RAP1GDS1: variants seen among roughly 807,000 people sequenced by gnomAD.
The protein encoded by RAP1GDS1 is Rap1 GTPase-GDP dissociation stimulator 1.
In RAP1GDS1, 35 loss-of-function variants were observed where a neutral mutation model predicts 71.1. The ratio of observed to expected loss-of-function variants is 0.49; its 90% CI spans 0.38 to 0.65. The LOEUF is 0.65. Among genes scored for constraint, RAP1GDS1 ranks in the 30% least tolerant of loss-of-function variants. The probability of loss-of-function intolerance (pLI) is 0.00; values close to 1 mark genes in which losing one functional copy is unlikely to be tolerated. For synonymous variants in RAP1GDS1, 229 were observed against 243.1 expected (o/e 0.94, Z 0.54); for missense variants, 663 against 706.1 (o/e 0.94, Z 0.69).
chr4:98,287,209 T>TC (rs1399429193), intron 1 of RAP1GDS1, among the ~76,000 whole-genome samples: 11 of 152,090 alleles, frequency 7.2e-5, no homozygotes, highest in African/African-American at 2.7e-4. Context: ...CAAGTAGGGT[T>TC]CTATGTACCT....
Position 98,434,059 on chromosome 4 carries a change from T to C in RAP1GDS1, c.1564T>C (p.Leu522=), listed in dbSNP as rs761089732. The C allele has an allele frequency of 6.2e-7, 1 of 1,613,626 alleles. No homozygotes were observed. The highest frequency in any genetic ancestry group is 2.2e-5 in the East Asian group (1 of 44,842). Reference sequence around the variant, plus strand: ...TTTGGCATTAATAGCAGCTTTAGAATTGGGTAAGTACCCCAGTGACAAACT... The same window carrying C: ...TTTGGCATTAATAGCAGCTTTAGAACTGGGTAAGTACCCCAGTGACAAACT... ...VALALIAALE[L]GTAEKDLESA... Residue 522 remains leucine (L), a synonymous_variant, in exon 13 of 15, where the codon TTG becomes CTG. Coordinates refer to ENST00000408927, the MANE Select transcript of RAP1GDS1 (RefSeq NM_001100427.2).
At chr4:98,284,499 C>A (rs1725686273) in intron 1 of RAP1GDS1, among the ~76,000 whole-genome samples, 1 of 152,136 alleles carries the variant, frequency 6.6e-6, no homozygotes, top group Non-Finnish European at 1.5e-5. Flanking sequence ...TTTAACCAAA[C>A]CATGTGGTGA....
intron 2 of RAP1GDS1, among the ~76,000 whole-genome samples, chr4:98,303,874 C>A (rs1728934158): frequency 6.6e-6 from 1 of 151,888 alleles, no homozygotes; most frequent in Non-Finnish European, 1.5e-5. Context: ...CCTCTACAGA[C>A]CCCATTGTGT....
chr4:98,419,173 A>G (rs1281676547), intron 10 of RAP1GDS1, among the ~76,000 whole-genome samples: 1 of 151,928 alleles, frequency 6.6e-6, no homozygotes, highest in Non-Finnish European at 1.5e-5. Flanking sequence ...CTCCCACCTC[A>G]GCCTCCTGAG....
chr4:98,418,800 TAAGAA>T lies in RAP1GDS1; in HGVS notation c.1174+10_1174+14del. The T allele has an allele frequency of 6.3e-7, 1 of 1,583,452 alleles. No homozygotes were observed. Among genetic ancestry groups the T allele is most frequent in the East Asian group, 2.3e-5 (1 of 43,954 alleles). On this transcript the variant is annotated intron_variant, in intron 10 of 14. Coordinates refer to ENST00000408927, the MANE Select transcript of RAP1GDS1 (RefSeq NM_001100427.2). ...AAACCTGGCCATTCCAGGTAAGACT[TAAGAA>T]TAGAAGGCAGCTGTGTACAAAATAA...
chr4:98,318,254 T>TA (rs981462827), intron 2 of RAP1GDS1, among the ~76,000 whole-genome samples: 1 of 152,160 alleles, frequency 6.6e-6, no homozygotes, highest in African/African-American at 2.4e-5. Context: ...TACAAAAGGA[T>TA]AGAGTACAGA....
chr4:98,380,269 A>G (rs535399071), intron 5 of RAP1GDS1, among the ~76,000 whole-genome samples: 1 of 151,788 alleles, frequency 6.6e-6, no homozygotes, highest in East Asian at 1.9e-4. Flanking sequence ...ATACTGCCCA[A>G]TCTTTATATT....
rs942333229 is a variant in RAP1GDS1, at chr4:98,441,548, A to ATAAC, written c.1697-440_1697-437dup. The ATAAC allele has an allele frequency of 3.0e-6, 3 of 983,994 alleles. No homozygotes were observed. In the African/African-American group the frequency reaches 5.2e-5, roughly 17 times the overall value. 61.0% of individuals were successfully genotyped at this position (983,994 alleles called of 1,614,324 possible). ...ATCATACAGTGAGCTGTGTTTAATT[A>ATAAC]TAACTCATTATTGTAATTAATCTTA... On this transcript the variant is annotated intron_variant, in intron 14 of 14. Coordinates refer to ENST00000408927, the MANE Select transcript of RAP1GDS1 (RefSeq NM_001100427.2).
At chr4:98,267,664 A>G (rs1302098720) in intron 1 of RAP1GDS1, among the ~76,000 whole-genome samples, 1 of 152,216 alleles carries the variant, frequency 6.6e-6, no homozygotes, top group Non-Finnish European at 1.5e-5. Context: ...ATGTTGCTGC[A>G]AAGGACATGA....
chr4:98,304,820 T>C (rs138240344), intron 2 of RAP1GDS1, among the ~76,000 whole-genome samples: 6 of 152,234 alleles, frequency 3.9e-5, no homozygotes, highest in African/African-American at 1.4e-4. Context: ...GGTTTCATAG[T>C]TTGGGGTTTT....
chr4:98,352,847 G>C (rs1737411534), intron 4 of RAP1GDS1, among the ~76,000 whole-genome samples: 1 of 152,142 alleles, frequency 6.6e-6, no homozygotes, highest in Non-Finnish European at 1.5e-5. Context: ...AATTAAGTCA[G>C]TTTCTAAGAA....
chr4:98,384,438 A>G (rs3822115), intron 5 of RAP1GDS1, among the ~76,000 whole-genome samples: 26,750 of 151,638 alleles, frequency 0.18, 3,895 homozygotes, highest in African/African-American at 0.4. Flanking sequence ...GTTTGCTGAA[A>G]AAGGTTGCTT....
intron 4 of RAP1GDS1, among the ~76,000 whole-genome samples, chr4:98,363,300 C>A (rs1739013733): frequency 6.6e-6 from 1 of 151,206 alleles, no homozygotes; most frequent in South Asian, 2.1e-4. Flanking sequence ...CCAGCCTGGG[C>A]AACACAGCAA....
At chr4:98,408,423 G>T (rs563185528) in intron 7 of RAP1GDS1, among the ~76,000 whole-genome samples, 1 of 152,104 alleles carries the variant, frequency 6.6e-6, no homozygotes, top group Admixed American at 6.5e-5. Context: ...ATGAGCCACC[G>T]TGCCTGGCCT....
chr4:98,394,337 G>A (rs1038167550), intron 6 of RAP1GDS1, among the ~76,000 whole-genome samples: 17 of 152,110 alleles, frequency 1.1e-4, no homozygotes. Flanking sequence ...TCAAGGAAAA[G>A]TATTAGTCAT....
At position 98,442,228 on chromosome 4, in the gene RAP1GDS1, T is replaced by TC; in HGVS notation, c.*112dup. ...TACCACTTGTGCATGCATGTGATGT[T>TC]CTAATACCAATTGAAGAACCGCTGT... is the stretch of plus-strand genomic sequence containing the variant. On this transcript the variant is annotated 3_prime_UTR_variant, in exon 15 of 15. Coordinates refer to ENST00000408927, the MANE Select transcript of RAP1GDS1 (RefSeq NM_001100427.2). 1.4e-6 allele frequency: 2 copies of TC among 1,431,226 alleles called. No individual in the cohort carries two copies. The highest frequency in any genetic ancestry group is 1.9e-6 in the Non-Finnish European group (2 of 1,072,660). 88.7% of individuals were successfully genotyped at this position (1,431,226 alleles called of 1,614,324 possible). A position where few individuals can be genotyped will look rare whatever the true frequency, so the allele number is the denominator to read the frequency against.
At chr4:98,279,128 G>A (rs1327038166) in intron 1 of RAP1GDS1, among the ~76,000 whole-genome samples, 1 of 152,062 alleles carries the variant, frequency 6.6e-6, no homozygotes, top group Non-Finnish European at 1.5e-5. Context: ...GGAGGCTGAG[G>A]CAGGAGAATG....
intron 2 of RAP1GDS1, among the ~76,000 whole-genome samples, chr4:98,299,415 GGAATTT>G (rs1728252928): frequency 6.6e-6 from 1 of 152,138 alleles, no homozygotes; most frequent in African/African-American, 2.4e-5. Context: ...AACATTAACA[GGAATTT>G]GGAACAAGTT....
intron 1 of RAP1GDS1, among the ~76,000 whole-genome samples, chr4:98,292,760 CA>C (rs1363911331): frequency 2.0e-5 from 3 of 151,968 alleles, no homozygotes; most frequent in Non-Finnish European, 4.4e-5. Context: ...ATAATATAAA[CA>C]AAAGCTCTTT....
Sources: allele counts gnomAD v4.1 joint callset (sites outside exome capture counted in the v4.1 genomes callset), GRCh38; gene constraint gnomAD v4.1.1; transcripts MANE v1.5; gene names NCBI Gene and HGNC (gene_info 2026-07-23, HGNC 2026-07-21).